The following PPP6R1 variants were observed in gnomAD, a reference collection of about 807,000 sequenced individuals.
PPP6R1 encodes protein phosphatase 6 regulatory subunit 1, also known as serine/threonine-protein phosphatase 6 regulatory subunit 1.
A neutral mutation model predicts 104.6 loss-of-function variants in PPP6R1; 39 were observed. The observed-to-expected ratio is 0.37, with a 90% CI of 0.29 to 0.49. PPP6R1 has a LOEUF of 0.49. PPP6R1 is among the 20% of genes least tolerant of loss of function. PPP6R1 has a pLI of 0.98. For missense variants in PPP6R1, 1,181 were observed against 1,155.8 expected (o/e 1.02, Z -0.32); for synonymous variants, 549 against 479.0 (o/e 1.15, Z -1.91).
At chr19:55,252,093 C>G (rs2087557922) in intron 1 of PPP6R1, among the ~76,000 whole-genome samples, 1 of 152,202 alleles carries the variant, frequency 6.6e-6, no homozygotes. Flanking sequence ...AAAGAGCTTA[C>G]AGGCTTCCAG....
At chr19:55,251,982 G>A (rs1166170564) in intron 1 of PPP6R1, among the ~76,000 whole-genome samples, 1 of 151,832 alleles carries the variant, frequency 6.6e-6, no homozygotes, top group Non-Finnish European at 1.5e-5. Flanking sequence ...CAGGCTGATA[G>A]GCTGCCCATG....
intron 17 of PPP6R1, among the ~76,000 whole-genome samples, chr19:55,235,609 T>C (rs972313828): frequency 5.3e-5 from 8 of 151,468 alleles, no homozygotes; most frequent in African/African-American, 1.2e-4. Context: ...AGCTCCGCCT[T>C]CCGGGTTCAC....
Position 55,241,392 on chromosome 19 carries a change from C to T in PPP6R1, c.1009-1G>A. On this transcript the variant is annotated splice_acceptor_variant, in intron 8 of 23. Transcript: ENST00000412770. LOFTEE classifies it high-confidence loss of function. This position sits in a 1 kb window ranked among gnomAD's most constrained non-coding sequence, Gnocchi z 5.4. Reference sequence around the variant, plus strand: ...CCCATGTCATCTGTAGCGGCTCCAGCTGCAGACACAGGGAGGCCTGATTCC... The same window carrying T: ...CCCATGTCATCTGTAGCGGCTCCAGTTGCAGACACAGGGAGGCCTGATTCC... 6.2e-7 allele frequency: 1 copy of T among 1,606,358 alleles called. No homozygotes were observed. Among genetic ancestry groups the T allele is most frequent in the Non-Finnish European group, 8.5e-7 (1 of 1,176,512 alleles).
chr19:55,232,433 C>T (rs888180347), intron 17 of PPP6R1: 89 of 570,854 alleles, frequency 1.6e-4, no homozygotes, highest in African/African-American at 1.5e-3. Flanking sequence ...AGAATGCGGC[C>T]GTAAGGAGAC....
chr19:55,242,185 G>A lies in PPP6R1; in HGVS notation c.826C>T (p.Leu276=). The change falls in exon 7 of 24, where the codon CTG becomes TTG. Residue 276 remains leucine, a synonymous_variant. Coordinates refer to ENST00000412770, the MANE Select transcript of PPP6R1 (RefSeq NM_014931.4). ...VSGIQVLLTL[L]EPRRPRSESV... is the part of the protein sequence containing the mutation. ...CCTCACCTCGGCCTCCTGGGCTCCAGCAGGGTCAGCAGCACCTGGATCCCA... is the reference window on the plus strand; with the variant it reads ...CCTCACCTCGGCCTCCTGGGCTCCAACAGGGTCAGCAGCACCTGGATCCCA... 1.2e-6 allele frequency: 2 copies of A among 1,613,472 alleles called. No homozygotes were observed. The highest frequency in any genetic ancestry group is 1.7e-6 in the Non-Finnish European group (2 of 1,179,842).
intron 17 of PPP6R1, chr19:55,232,466 G>A (rs942662938): frequency 2.0e-6 from 1 of 493,100 alleles, no homozygotes; most frequent in Non-Finnish European, 3.5e-6. Flanking sequence ...GTCATCCGTG[G>A]AGGGCAGGCC....
chr19:55,243,569 G>A (rs945754805), intron 5 of PPP6R1, among the ~76,000 whole-genome samples: 11 of 152,098 alleles, frequency 7.2e-5, no homozygotes, highest in Admixed American at 5.9e-4. Flanking sequence ...TGAGGCAGAG[G>A]CAGGAGGATT....
intron 1 of PPP6R1, among the ~76,000 whole-genome samples, chr19:55,252,191 G>A (rs1240407001): frequency 6.6e-6 from 1 of 152,094 alleles, no homozygotes; most frequent in East Asian, 1.9e-4. Flanking sequence ...TTTCCACAAC[G>A]TTGTGAATAC....
chr19:55,258,411 G>A (rs543924340), intron 1 of PPP6R1, 24 bp downstream of exon 1: 1 of 151,902 alleles, frequency 6.6e-6, no homozygotes, highest in Non-Finnish European at 1.5e-5. Flanking sequence ...GGAGAGAGAG[G>A]GTCGGGCGAC....
chr19:55,241,423 G>A lies in PPP6R1; in HGVS notation c.1009-32C>T. 3.8e-6 allele frequency: 6 copies of A among 1,597,430 alleles called. No individual in the cohort carries two copies. The highest frequency in any genetic ancestry group is 5.1e-6 in the Non-Finnish European group (6 of 1,169,626). ...ACACAGGGAGGCCTGATTCCCAAGG[G>A]CTGCCCTTCCTGCTTCCCCCGCCTC... On this transcript the variant is annotated intron_variant, in intron 8 of 23. Transcript: ENST00000412770. This position sits in a 1 kb window ranked among gnomAD's most constrained non-coding sequence, Gnocchi z 5.4.
chr19:55,239,355 G>T, intron 15 of PPP6R1, 50 bp downstream of exon 15: 1 of 1,541,966 alleles, frequency 6.5e-7, no homozygotes, highest in African/African-American at 1.4e-5. Context: ...AGGCGCGCCT[G>T]CTGCTGCAGA....
rs1406836924 is a variant in PPP6R1, at chr19:55,245,418, C to T, written c.415-16G>A. On this transcript the variant is annotated splice_polypyrimidine_tract_variant and intron_variant, in intron 3 of 23. Transcript: ENST00000412770. The surrounding 1 kb of genome is among the most constrained non-coding windows in gnomAD (Gnocchi z 6.4). Reference sequence around the variant, plus strand: ...AGGACACGAGCTGGGGGCACACGGGCTGCGTCATGCACAGGGCCTGGCCCA... The same window carrying T: ...AGGACACGAGCTGGGGGCACACGGGTTGCGTCATGCACAGGGCCTGGCCCA... 1.2e-6 allele frequency: 2 copies of T among 1,613,178 alleles called. No homozygotes were observed. The highest frequency in any genetic ancestry group is 3.3e-5 in the Admixed American group (2 of 59,940).
chr19:55,229,439 A>ACTTCTAC (rs1158430761), downstream of PPP6R1: 5 of 152,332 alleles, frequency 3.3e-5, no homozygotes, highest in African/African-American at 9.7e-5. Flanking sequence ...CGCAGCCTAC[A>ACTTCTAC]CTTCTACCTT....
chr19:55,234,107 C>T (rs371691010), intron 17 of PPP6R1, among the ~76,000 whole-genome samples: 10 of 152,066 alleles, frequency 6.6e-5, no homozygotes, highest in African/African-American at 1.2e-4. Flanking sequence ...CCACCACAGC[C>T]GGCTAATTTT....
Position 55,241,740 on chromosome 19 carries a change from G to A in PPP6R1, c.846-101C>T, listed in dbSNP as rs2087459995. The A allele has an allele frequency of 1.2e-5, 17 of 1,361,894 alleles. No homozygotes were observed. The highest frequency in any genetic ancestry group is 6.1e-5 in the South Asian group (4 of 65,982). The allele number at this position is 1,361,894 out of a possible 1,614,324, so 84.4% of individuals were successfully genotyped here. A position where few individuals can be genotyped will look rare whatever the true frequency, so the allele number is the denominator to read the frequency against. ...ACGTCTGCAGGGTCTGGAGGAAAAC[G>A]AGGAGCCACATGCCCCCAGCGCCGC... On this transcript the variant is annotated intron_variant, in intron 7 of 23. Transcript: ENST00000412770. The surrounding 1 kb of genome is among the most constrained non-coding windows in gnomAD (Gnocchi z 5.4).
chr19:55,230,724 G>A, intron 22 of PPP6R1, 40 bp from the exon 23 acceptor site: 2 of 1,501,718 alleles, frequency 1.3e-6, no homozygotes, highest in Non-Finnish European at 1.8e-6. Context: ...GTCACTTCCT[G>A]CCCCACCAGC....
Position 55,236,825 on chromosome 19 carries a change from C to T in PPP6R1, c.1810-4G>A. 1 of 1,613,814 alleles carries T rather than the reference C, an allele frequency of 6.2e-7. No homozygotes were observed. The highest frequency in any genetic ancestry group is 8.5e-7 in the Non-Finnish European group (1 of 1,179,740). The stretch of plus-strand genomic sequence containing the variant: ...TCTCAAGTAGGTTGGCGTTGGGCTG[C>T]AGGGCACAGGGGTGGGAGGATGGGC... On this transcript the variant is annotated splice_region_variant and splice_polypyrimidine_tract_variant and intron_variant, in intron 16 of 23. Transcript: ENST00000412770.
At position 55,236,759 on chromosome 19, in the gene PPP6R1, CTCA is replaced by C. The variant is rs751848582; in HGVS notation, c.1869_1871del (p.Asp623del). On this transcript the variant is annotated inframe_deletion, in exon 17 of 24. Coordinates refer to ENST00000412770, the MANE Select transcript of PPP6R1 (RefSeq NM_014931.4). ...GGGCCTCTTCCTCGTCCTCCTCTTCCTCATCATCATCAAACTGCTGGATGCGGT... is the reference window on the plus strand; with the variant it reads ...GGGCCTCTTCCTCGTCCTCCTCTTCCTCATCATCAAACTGCTGGATGCGGT... The C allele has an allele frequency of 2.0e-5, 33 of 1,613,896 alleles. No homozygotes were observed. The African/African-American group carries it at 3.3e-4, about 16-fold the overall frequency.
chr19:55,231,265 G>A, intron 21 of PPP6R1, 145 bp downstream of exon 21: 2 of 1,020,540 alleles, frequency 2.0e-6, no homozygotes, highest in South Asian at 1.4e-5. Context: ...GAGTGCAAGG[G>A]GCTGGGGCAC....
Sources: gnomAD v4.1 joint callset for allele counts (sites outside exome capture counted in the v4.1 genomes callset) on GRCh38, gnomAD v4.1.1 for gene constraint, Gnocchi (gnomAD v3.1) non-coding constraint, MANE v1.5 for transcripts, NCBI Gene and HGNC (gene_info 2026-07-23, HGNC 2026-07-21) for gene names.